The following AMMECR1 variants were observed in gnomAD, a reference collection of about 807,000 sequenced individuals.
AMMECR1 encodes the protein nuclear protein AMMECR1.
Under a neutral mutation model 22.5 loss-of-function variants are expected in AMMECR1, and 3 were observed. That is an observed-to-expected ratio of 0.13 (90% confidence interval 0.06 to 0.35). The LOEUF (loss-of-function observed/expected upper bound fraction) is 0.35, where lower values mean the gene tolerates loss of function less well. AMMECR1 is among the 10% of genes least tolerant of loss of function. AMMECR1 has a pLI of 1.00. For synonymous variants in AMMECR1, 130 were observed against 116.7 expected (o/e 1.11, Z -0.74); for missense variants, 235 against 278.7 (o/e 0.84, Z 1.12).
At chrX:110,302,062 T>G (rs2067969779) in intron 1 of AMMECR1, among the ~76,000 whole-genome samples, 1 of 111,696 alleles carries the variant, frequency 9.0e-6, no homozygotes, top group Admixed American at 9.5e-5. Context: ...CCATCTTGAA[T>G]ACAGCTACAT....
intron 2 of AMMECR1, among the ~76,000 whole-genome samples, chrX:110,354,751 A>G (rs2148244633): frequency 8.9e-6 from 1 of 112,562 alleles, no homozygotes; most frequent in African/African-American, 3.2e-5. Context: ...CAATAGGGAA[A>G]GGACAGTCTT....
At chrX:110,422,172 T>G (rs987911107) in intron 2 of AMMECR1, among the ~76,000 whole-genome samples, 4 of 112,888 alleles carry the variant, frequency 3.5e-5, no homozygotes, top group Non-Finnish European at 5.6e-5. Context: ...TCTTTTTCCC[T>G]GTCCAGGTTT....
chrX:110,273,279 G>A (rs978675753), intron 1 of AMMECR1, among the ~76,000 whole-genome samples: 11 of 111,498 alleles, frequency 9.9e-5, no homozygotes, highest in East Asian at 2.8e-4. Flanking sequence ...GTTTTTTCAC[G>A]TGCTTGCTGG....
At chrX:110,314,619 T>G (rs2068039665) in intron 1 of AMMECR1, among the ~76,000 whole-genome samples, 1 of 112,108 alleles carries the variant, frequency 8.9e-6, no homozygotes, top group African/African-American at 3.2e-5. Context: ...GATCCCTTTA[T>G]AGTAGCAAAC....
Position 110,275,372 on chromosome X carries a change from G to A in AMMECR1, c.474-10773C>T, listed in dbSNP as rs189435805. On this transcript the variant is annotated intron_variant, in intron 1 of 5. Transcript: ENST00000262844. ...ATTGGTATCAAATTTGAGATTGGCA[G>A]TATTTTTTTTTCAGCACTTTAAAGA... 8.1e-5 allele frequency among the ~76,000 whole-genome samples: 9 copies of A among 110,916 alleles called. No individual in the cohort carries two copies. The East Asian group carries it at 2.5e-3, about 31-fold the overall frequency.
chrX:110,232,490 C>T (rs1436109855), intron 2 of AMMECR1, among the ~76,000 whole-genome samples: 4 of 111,529 alleles, frequency 3.6e-5, no homozygotes, highest in East Asian at 2.8e-4. Flanking sequence ...CACAACGTAC[C>T]GGAATCTCTG....
At chrX:110,353,738 A>G (rs2068219818) in intron 2 of AMMECR1, among the ~76,000 whole-genome samples, 1 of 111,852 alleles carries the variant, frequency 8.9e-6, no homozygotes, top group African/African-American at 3.2e-5. Flanking sequence ...ATGATCTATC[A>G]TGGAGAGTGT....
chrX:110,361,209 G>A (rs1448498513), intron 2 of AMMECR1, among the ~76,000 whole-genome samples: 1 of 111,208 alleles, frequency 9.0e-6, no homozygotes, highest in Non-Finnish European at 1.9e-5. Flanking sequence ...TCAGGCGGAA[G>A]ACCTAGGAAT....
intron 3 of AMMECR1, among the ~76,000 whole-genome samples, chrX:110,206,763 T>C (rs570311917): frequency 1.8e-5 from 2 of 111,479 alleles, no homozygotes; most frequent in South Asian, 7.7e-4. Context: ...GCATCCTGTT[T>C]TAGCAAATAC....
rs35255364 is a variant in AMMECR1 at position 110,295,028 on chromosome X, T to TA, written c.473+22570dup. Among the ~76,000 whole-genome samples the TA allele has an allele frequency of 6.9e-3, 734 of 106,444 alleles. 6 individuals are homozygous for TA. Among genetic ancestry groups the TA allele is most frequent in the East Asian group, 0.041 (140 of 3,438 alleles). The allele number at this position is 106,444 out of a possible 115,157, so 92.4% of individuals were successfully genotyped here. On this transcript the variant is annotated intron_variant, in intron 1 of 5. Transcript: ENST00000262844. ...TTCTAAAATCCATAAACCTCTATTT[T>TA]AAAAAAAAAAGACTCAGCAGTTTTA...
intron 2 of AMMECR1, among the ~76,000 whole-genome samples, chrX:110,372,427 T>C (rs1297474038): frequency 8.9e-6 from 1 of 112,213 alleles, no homozygotes; most frequent in Non-Finnish European, 1.9e-5. Context: ...ATCCTTCCAG[T>C]ATCTTTTTAT....
rs142608842 is a variant in AMMECR1, at chrX:110,346,788, T to G, written c.-147-28939A>C. On this transcript the variant is annotated intron_variant, in intron 2 of 7. Coordinates refer to the AMMECR1 transcript ENST00000372057. Reference sequence around the variant, plus strand: ...CAGCAGAGGGTCATGTTGAGCATTCTGCAGACAGAATTGTTTCAAGTCTGC... The same window carrying G: ...CAGCAGAGGGTCATGTTGAGCATTCGGCAGACAGAATTGTTTCAAGTCTGC... The G allele has an allele frequency of 2.1e-4, 159 of 744,604 alleles. 1 individual carries two copies. In the East Asian group the frequency reaches 3.4e-3, roughly 16 times the overall value. The allele number at this position is 744,604 out of a possible 1,213,427, so 61.4% of individuals were successfully genotyped here. A position where few individuals can be genotyped will look rare whatever the true frequency, so the allele number is the denominator to read the frequency against.
intron 3 of AMMECR1, among the ~76,000 whole-genome samples, chrX:110,207,586 C>G (rs980957294): frequency 9.0e-6 from 1 of 110,964 alleles, no homozygotes; most frequent in African/African-American, 3.3e-5. Context: ...ATCTGCCCAT[C>G]AAATCCTCAC....
At chrX:110,335,133 A>G (rs184004659) in intron 2 of AMMECR1, among the ~76,000 whole-genome samples, 53 of 111,714 alleles carry the variant, frequency 4.7e-4, no homozygotes, top group Admixed American at 3.5e-3. Context: ...TAATAATAGT[A>G]TCTTCTTCAT....
At chrX:110,224,371 GA>G (rs2067520486) in intron 2 of AMMECR1, among the ~76,000 whole-genome samples, 1 of 111,225 alleles carries the variant, frequency 9.0e-6, no homozygotes, top group Admixed American at 9.6e-5. Context: ...ATAATATATG[GA>G]TATGTATAAA....
At chrX:110,404,167 G>T (rs768319696) in intron 2 of AMMECR1, among the ~76,000 whole-genome samples, 42 of 112,370 alleles carry the variant, frequency 3.7e-4, no homozygotes, top group African/African-American at 1.2e-3. Context: ...AAGAACAGTT[G>T]GTCAGGCTCC....
At chrX:110,413,100 C>T (rs2068652310) in intron 2 of AMMECR1, among the ~76,000 whole-genome samples, 1 of 111,559 alleles carries the variant, frequency 9.0e-6, no homozygotes, top group South Asian at 3.8e-4. Flanking sequence ...ATACCATCCT[C>T]ATACTGCTCA....
At position 110,194,852 on chromosome X, in the gene AMMECR1, G is replaced by A. The variant is rs962770713; in HGVS notation, c.*3668C>T. On this transcript the variant is annotated 3_prime_UTR_variant, in exon 6 of 6. Transcript: ENST00000262844. ...TAATGTCATCAGAAACCCTTAAATC[G>A]AGAGGCACACAACGGGTTTCCACTT... is the stretch of plus-strand genomic sequence containing the variant. The A allele has an allele frequency of 8.9e-6, 1 of 111,899 alleles. No homozygotes were observed. The highest frequency in any genetic ancestry group is 3.2e-5 in the African/African-American group (1 of 30,784). The allele number at this position is 111,899 out of a possible 1,213,427, so 9.2% of individuals were successfully genotyped here.
At chrX:110,213,716 C>T (rs916148981) in intron 3 of AMMECR1, among the ~76,000 whole-genome samples, 1 of 111,406 alleles carries the variant, frequency 9.0e-6, no homozygotes, top group African/African-American at 3.3e-5. Flanking sequence ...TAAGGATAAC[C>T]CTTAGAATAT....
Sources: allele counts gnomAD v4.1 joint callset (sites outside exome capture counted in the v4.1 genomes callset), GRCh38; gene constraint gnomAD v4.1.1; transcripts MANE v1.5; gene names NCBI Gene and HGNC (gene_info 2026-07-23, HGNC 2026-07-21).